PCDHA10: variants seen among roughly 807,000 people sequenced by gnomAD.
The protein encoded by PCDHA10 is protocadherin alpha 10.
A neutral mutation model predicts 61.2 loss-of-function variants in PCDHA10; 45 were observed. The observed-to-expected ratio is 0.74, with a 90% confidence interval of 0.58 to 0.94. The LOEUF (loss-of-function observed/expected upper bound fraction) is 0.94, where lower values mean the gene tolerates loss of function less well. PCDHA10 is among the 40% of genes least tolerant of loss of function. PCDHA10 has a pLI of 0.00. For missense variants in PCDHA10, 1,278 were observed against 1,236.2 expected (o/e 1.03, Z -0.51); for synonymous variants, 602 against 548.8 (o/e 1.10, Z -1.35).
intron 1 of PCDHA10, among the ~76,000 whole-genome samples, chr5:140,975,809 TA>T (rs146252033): frequency 0.06 from 9,090 of 152,310 alleles, 381 homozygotes; most frequent in East Asian, 0.11. Context: ...TTTATAATTT[TA>T]ATAGGAACTG....
intron 1 of PCDHA10, among the ~76,000 whole-genome samples, chr5:140,942,607 A>G (rs529680459): frequency 1.7e-5 from 2 of 116,438 alleles, no homozygotes; most frequent in East Asian, 2.5e-4. Context: ...TAGTGTTTAT[A>G]TTTGCCAATT....
intron 1 of PCDHA10, chr5:140,883,148 A>G (rs1554176918): frequency 5.0e-6 from 8 of 1,614,078 alleles, no homozygotes; most frequent in Non-Finnish European, 6.8e-6. Context: ...ATATGCATTT[A>G]CCATAAATCC....
Position 140,999,346 on chromosome 5 carries a change from T to C in PCDHA10, c.2537-10281T>C, listed in dbSNP as rs115221132. ...ATCTGTGTGATTTATAAGCCTTGTC[T>C]CTTTTTAATGTTCACAATCCCATTA... On this transcript the variant is annotated intron_variant, in intron 3 of 3. Transcript: ENST00000307360. Among the ~76,000 whole-genome samples the C allele has an allele frequency of 2.6e-3, 399 of 152,360 alleles. 2 individuals are homozygous for C. In the Middle Eastern group the frequency reaches 0.041, roughly 16 times the overall value.
chr5:141,000,361 G>C (rs1253295818), intron 3 of PCDHA10, among the ~76,000 whole-genome samples: 2 of 26,450 alleles, frequency 7.6e-5, no homozygotes, highest in Non-Finnish European at 1.2e-4. Context: ...GTCTCTCTCT[G>C]TCTCTCTCTC....
intron 1 of PCDHA10, among the ~76,000 whole-genome samples, chr5:140,895,667 G>A (rs2153450568): frequency 1.3e-5 from 2 of 152,262 alleles, no homozygotes; most frequent in South Asian, 4.1e-4. Context: ...GTGAGAACAT[G>A]TAGTATTTGG....
chr5:140,965,445 G>T (rs1460508023), intron 1 of PCDHA10, among the ~76,000 whole-genome samples: 1 of 151,794 alleles, frequency 6.6e-6, no homozygotes, highest in Non-Finnish European at 1.5e-5. Flanking sequence ...TGAAATTGCT[G>T]GTTATTGTAA....
intron 1 of PCDHA10, chr5:140,967,272 T>A: frequency 1.2e-6 from 2 of 1,613,412 alleles, no homozygotes; most frequent in Non-Finnish European, 1.7e-6. Context: ...CGCTTTCACA[T>A]AGAGAGTGCG....
At chr5:140,937,821 A>G (rs1270019197) in intron 1 of PCDHA10, among the ~76,000 whole-genome samples, 2 of 151,608 alleles carry the variant, frequency 1.3e-5, no homozygotes, top group Non-Finnish European at 2.9e-5. Flanking sequence ...CTGAGGCAGG[A>G]GAATGGCATG....
Position 140,926,934 on chromosome 5 carries a change from C to T in PCDHA10, c.2389-52015C>T, listed in dbSNP as rs138351230. ...TGGCAGTTTTATGTTTGTGGGTTTC[C>T]TGCGGCGCTGCAGCGGGACAGCTCG... On this transcript the variant is annotated intron_variant, in intron 1 of 3. Coordinates refer to ENST00000307360, the MANE Select transcript of PCDHA10 (RefSeq NM_018901.4). The T allele has an allele frequency of 5.7e-6, 9 of 1,578,848 alleles. No homozygotes were observed. The African/African-American group carries it at 1.2e-4, about 21-fold the overall frequency.
At chr5:140,901,485 C>T (rs894282962) in intron 1 of PCDHA10, among the ~76,000 whole-genome samples, 1 of 152,086 alleles carries the variant, frequency 6.6e-6, no homozygotes, top group African/African-American at 2.4e-5. Context: ...GTTCTTGGCA[C>T]CTTCATCGAA....
chr5:141,006,274 C>T (rs565885323), intron 3 of PCDHA10, among the ~76,000 whole-genome samples: 13 of 152,026 alleles, frequency 8.6e-5, no homozygotes, highest in African/African-American at 2.9e-4. Context: ...TGCAGTGGCA[C>T]GATCTCAGCT....
At chr5:141,005,470 G>A (rs1563690887) in intron 3 of PCDHA10, among the ~76,000 whole-genome samples, 1 of 151,836 alleles carries the variant, frequency 6.6e-6, no homozygotes, top group South Asian at 2.1e-4. Context: ...TTGGGAGGCC[G>A]AGACGGGCGG....
At chr5:140,877,812 A>AGT (rs1199623134) in intron 1 of PCDHA10, 1 of 1,610,228 alleles carries the variant, frequency 6.2e-7, no homozygotes, top group East Asian at 2.2e-5. Context: ...AGCTGTCTCG[A>AGT]GAAGATTGTT....
chr5:140,937,326 C>T (rs1287239556), intron 1 of PCDHA10, among the ~76,000 whole-genome samples: 1 of 152,164 alleles, frequency 6.6e-6, no homozygotes, highest in South Asian at 2.1e-4. Context: ...CGTGAGCCAC[C>T]GCGCCCGGCT....
At chr5:140,967,979 G>C (rs1405177525) in intron 1 of PCDHA10, 3 of 1,614,100 alleles carry the variant, frequency 1.9e-6, no homozygotes, top group Non-Finnish European at 2.5e-6. Flanking sequence ...CCTGGGTCTG[G>C]AGGCCACACT....
intron 1 of PCDHA10, among the ~76,000 whole-genome samples, chr5:140,872,744 C>T (rs1359908128): frequency 6.6e-6 from 1 of 152,086 alleles, no homozygotes; most frequent in African/African-American, 2.4e-5. Flanking sequence ...TCTAAACTTG[C>T]TAAAGACATG....
intron 1 of PCDHA10, chr5:140,883,519 C>A: frequency 6.2e-7 from 1 of 1,614,190 alleles, no homozygotes; most frequent in Non-Finnish European, 8.5e-7. Flanking sequence ...ACCGCGAGAG[C>A]GTATCAGCCT....
intron 1 of PCDHA10, chr5:140,877,194 A>G (rs1350324855): frequency 1.2e-6 from 2 of 1,613,646 alleles, no homozygotes; most frequent in Non-Finnish European, 1.7e-6. Context: ...GCAGCGCAGG[A>G]GGCGCAGTTA....
chr5:140,856,041 A>T lies in PCDHA10; in HGVS notation c.-8A>T, dbSNP rs797043647. Reference sequence around the variant, plus strand: ...ATTCGTCGATTTGTAAAACAAGAGAAGGATAAGATGGTTTCCAGATGTAGC... The same window carrying T: ...ATTCGTCGATTTGTAAAACAAGAGATGGATAAGATGGTTTCCAGATGTAGC... On this transcript the variant is annotated 5_prime_UTR_variant, in exon 1 of 4. It adds an upstream start codon to the 5' untranslated region. Coordinates refer to ENST00000307360, the MANE Select transcript of PCDHA10 (RefSeq NM_018901.4). 1.9e-6 allele frequency: 3 copies of T among 1,569,530 alleles called. No individual in the cohort carries two copies. The African/African-American group carries it at 4.1e-5, about 21-fold the overall frequency.
Sources: gnomAD v4.1 joint callset for allele counts (sites outside exome capture counted in the v4.1 genomes callset) on GRCh38, gnomAD v4.1.1 for gene constraint, MANE v1.5 for transcripts, NCBI Gene and HGNC (gene_info 2026-07-23, HGNC 2026-07-21) for gene names.